ARSB: variants seen among roughly 807,000 people sequenced by gnomAD.
ARSB encodes the protein arylsulfatase B.
A neutral mutation model predicts 50.9 loss-of-function variants in ARSB; 41 were observed. The ratio of observed to expected loss-of-function variants is 0.81; its 90% CI spans 0.63 to 1.04. ARSB has a LOEUF of 1.04. Ranked by LOEUF, ARSB falls within the 50% of genes least tolerant of loss-of-function variation. The pLI is 0.00. For synonymous variants in ARSB, 269 were observed against 284.8 expected (o/e 0.94, Z 0.56); for missense variants, 672 against 693.3 (o/e 0.97, Z 0.35).
At chr5:78,788,831 A>G (rs1439494941) in intron 6 of ARSB, among the ~76,000 whole-genome samples, 1 of 152,192 alleles carries the variant, frequency 6.6e-6, no homozygotes, top group Non-Finnish European at 1.5e-5. Context: ...TTGTTTCCCT[A>G]CGTTACCTGG....
chr5:78,971,530 T>C (rs965510013), intron 1 of ARSB, among the ~76,000 whole-genome samples: 1 of 152,208 alleles, frequency 6.6e-6, no homozygotes, highest in African/African-American at 2.4e-5. Flanking sequence ...TTGTGAGTAT[T>C]TTATTTGCCT....
At chr5:78,784,226 G>A (rs777013821) in intron 6 of ARSB, among the ~76,000 whole-genome samples, 2 of 152,096 alleles carry the variant, frequency 1.3e-5, no homozygotes, top group African/African-American at 2.4e-5. Flanking sequence ...TGGTGGGAGT[G>A]TAAATTAGTA....
At chr5:78,977,792 A>G (rs1752731187) in intron 1 of ARSB, among the ~76,000 whole-genome samples, 1 of 152,158 alleles carries the variant, frequency 6.6e-6, no homozygotes, top group Non-Finnish European at 1.5e-5. Context: ...AGATGACATG[A>G]TCTTGCACTA....
intron 6 of ARSB, among the ~76,000 whole-genome samples, chr5:78,812,206 A>G (rs967778140): frequency 1.2e-4 from 18 of 152,216 alleles, no homozygotes; most frequent in Non-Finnish European, 2.6e-4. Flanking sequence ...TTTACAGAGC[A>G]GTGGGCAGGT....
chr5:78,874,717 A>T (rs1352811136), intron 5 of ARSB, among the ~76,000 whole-genome samples: 1 of 152,196 alleles, frequency 6.6e-6, no homozygotes, highest in African/African-American at 2.4e-5. Context: ...ATAAAGAAAA[A>T]CCTAACACTA....
At chr5:78,821,935 T>G (rs543644057) in intron 6 of ARSB, among the ~76,000 whole-genome samples, 1 of 152,304 alleles carries the variant, frequency 6.6e-6, no homozygotes, top group East Asian at 1.9e-4. Flanking sequence ...GACTCTGACT[T>G]GTTTGGTCTG....
intron 5 of ARSB, among the ~76,000 whole-genome samples, chr5:78,868,865 G>A (rs1340315383): frequency 6.6e-6 from 1 of 150,964 alleles, no homozygotes; most frequent in Admixed American, 6.6e-5. Context: ...GACACAGACT[G>A]GCAAGTTGGA....
intron 5 of ARSB, among the ~76,000 whole-genome samples, chr5:78,875,265 G>T (rs957506375): frequency 4.6e-5 from 7 of 151,954 alleles, no homozygotes; most frequent in Admixed American, 6.6e-5. Context: ...TAAATACATG[G>T]TTCAAAGAAA....
chr5:78,807,542 T>C (rs1743611626), intron 6 of ARSB, among the ~76,000 whole-genome samples: 1 of 152,150 alleles, frequency 6.6e-6, no homozygotes, highest in Non-Finnish European at 1.5e-5. Context: ...CAGTACCATA[T>C]GCTGCTCCCC....
In ARSB at chr5:78,984,971, G is replaced by C. The variant is rs1339096448; in HGVS notation, c.278C>G (p.Pro93Arg). 6.6e-7 allele frequency: 1 copy of C among 1,506,556 alleles called. No individual in the cohort carries two copies. Among genetic ancestry groups the C allele is most frequent in the East Asian group, 2.8e-5 (1 of 36,278 alleles). 93.3% of individuals were successfully genotyped at this position (1,506,556 alleles called of 1,614,324 possible). The change falls in exon 1 of 8, where the codon CCG becomes CGG. Residue 93 changes from proline to arginine, a missense_variant. Pro to Arg is a moderately radical substitution (Grantham distance 103). Coordinates refer to ENST00000264914, the MANE Select transcript of ARSB (RefSeq NM_000046.5). ...DNYYTQPLCT[P>R]SRSQLLTGRY... ...GCCAGTGAGCAGCTGGCTCCGCGAC[G>C]GCGTGCACAGCGGCTGCGTGTAGTA...
chr5:78,938,755 T>C (rs1021196238), intron 4 of ARSB, among the ~76,000 whole-genome samples: 4 of 152,236 alleles, frequency 2.6e-5, no homozygotes, highest in African/African-American at 9.6e-5. Flanking sequence ...TTAGAGGAAT[T>C]AGTTAAGATT....
At chr5:78,823,165 G>C (rs911976482) in intron 6 of ARSB, among the ~76,000 whole-genome samples, 15 of 152,140 alleles carry the variant, frequency 9.9e-5, no homozygotes, top group African/African-American at 3.1e-4. Flanking sequence ...GTGTGTTTTT[G>C]CTTTTATTTT....
At chr5:78,851,025 A>G (rs1043295442) in intron 5 of ARSB, among the ~76,000 whole-genome samples, 9 of 152,150 alleles carry the variant, frequency 5.9e-5, no homozygotes, top group Admixed American at 3.3e-4. Context: ...TGGATTCATT[A>G]ATTTTTTGAA....
chr5:78,868,456 T>C (rs193024164), intron 5 of ARSB, among the ~76,000 whole-genome samples: 38,957 of 87,242 alleles, frequency 0.45, 10,493 homozygotes, highest in Middle Eastern at 0.54. Flanking sequence ...AGACTAACAG[T>C]GGATCTCTTG....
At chr5:78,973,242 G>C (rs1160403376) in intron 1 of ARSB, among the ~76,000 whole-genome samples, 1 of 152,226 alleles carries the variant, frequency 6.6e-6, no homozygotes, top group Non-Finnish European at 1.5e-5. Context: ...AGAAGTGTGT[G>C]TGAATGGAGA....
At chr5:78,873,556 C>T (rs1246299116) in intron 5 of ARSB, among the ~76,000 whole-genome samples, 4 of 120,152 alleles carry the variant, frequency 3.3e-5, no homozygotes, top group East Asian at 2.4e-4. Context: ...AGTGCAGTGG[C>T]GGGATCTCGG....
intron 1 of ARSB, among the ~76,000 whole-genome samples, chr5:78,980,327 C>T (rs1752847042): frequency 6.6e-6 from 1 of 152,180 alleles, no homozygotes; most frequent in African/African-American, 2.4e-5. Flanking sequence ...TGCATCTATC[C>T]TTAAACCCAG....
intron 5 of ARSB, chr5:78,883,815 TAATGTTTAAACTTG>T (rs1747873964): frequency 6.6e-6 from 1 of 152,338 alleles, no homozygotes; most frequent in Middle Eastern, 3.4e-3. Context: ...CTTTAAACTT[TAATGTTTAAACTTG>T]AATAGCTATC....
At chr5:78,822,115 T>C (rs1242711217) in intron 6 of ARSB, among the ~76,000 whole-genome samples, 1 of 152,244 alleles carries the variant, frequency 6.6e-6, no homozygotes, top group African/African-American at 2.4e-5. Flanking sequence ...AGATTTTTTC[T>C]TATATGCTAT....
Sources: allele counts gnomAD v4.1 joint callset (sites outside exome capture counted in the v4.1 genomes callset), GRCh38; gene constraint gnomAD v4.1.1; transcripts MANE v1.5; gene names NCBI Gene and HGNC (gene_info 2026-07-23, HGNC 2026-07-21).